CLSTN2: variants seen among roughly 807,000 people sequenced by gnomAD.
CLSTN2 encodes the protein calsyntenin 2, also known as calsyntenin-2.
Under a neutral mutation model 101.2 loss-of-function variants are expected in CLSTN2, and 48 were observed. That is an observed-to-expected ratio of 0.47 (90% confidence interval 0.38 to 0.60). CLSTN2 has a LOEUF of 0.60. Ranked by LOEUF, CLSTN2 falls within the 20% of genes least tolerant of loss-of-function variation. CLSTN2 has a pLI of 0.00. For synonymous variants in CLSTN2, 481 were observed against 463.6 expected, an observed-to-expected ratio of 1.04 and a Z score of -0.48; for missense variants, 1,160 against 1,238.2, an observed-to-expected ratio of 0.94 and a Z score of 0.95.
rs377486805 is a variant in CLSTN2, at chr3:140,225,184, G to T, written c.232+49111G>T. ...CAGACTCTCCACCCTTCCCCCACCTGCTGCTTTATGGGAAGGGCCCTGCTA... is the reference window on the plus strand; with the variant it reads ...CAGACTCTCCACCCTTCCCCCACCTTCTGCTTTATGGGAAGGGCCCTGCTA... On this transcript the variant is annotated intron_variant, in intron 2 of 16. Transcript: ENST00000458420. Among the ~76,000 whole-genome samples, 8 of 152,156 alleles carry T rather than the reference G, an allele frequency of 5.3e-5. No individual in the cohort carries two copies. In the East Asian group the frequency reaches 5.8e-4, roughly 11 times the overall value.
Position 140,556,537 on chromosome 3 carries a change from A to G in CLSTN2, c.1699A>G (p.Ile567Val), listed in dbSNP as rs199944362. Reference sequence around the variant, plus strand: ...GTATCACTTCAACCCCTCGCAGTCCATCCTGGTGATGGAAGGTGACGACAT... The same window carrying G: ...GTATCACTTCAACCCCTCGCAGTCCGTCCTGGTGATGGAAGGTGACGACAT... ...IKYHFNPSQS[I>V]LVMEGDDIGN... The change falls in exon 11 of 17, where the codon ATC becomes GTC. Residue 567 changes from isoleucine (I) to valine (V), a missense_variant. Transcript: ENST00000458420. The G allele has an allele frequency of 5.5e-5, 88 of 1,614,056 alleles. No individual in the cohort carries two copies. Among genetic ancestry groups the G allele is most frequent in the Non-Finnish European group, 6.9e-5 (81 of 1,179,956 alleles).
intron 2 of CLSTN2, among the ~76,000 whole-genome samples, chr3:140,321,806 A>G (rs1041734083): frequency 6.6e-6 from 1 of 152,044 alleles, no homozygotes; most frequent in Non-Finnish European, 1.5e-5. Flanking sequence ...CTTTTCCCCC[A>G]TTTCTGCTAT....
intron 1 of CLSTN2, among the ~76,000 whole-genome samples, chr3:140,023,723 C>T (rs1272730006): frequency 2.0e-5 from 3 of 152,174 alleles, no homozygotes; most frequent in Non-Finnish European, 2.9e-5. Flanking sequence ...AGGGGAGCTC[C>T]GAGCAGACTC....
chr3:140,340,916 G>A (rs1458718926), intron 2 of CLSTN2, among the ~76,000 whole-genome samples: 2 of 152,144 alleles, frequency 1.3e-5, no homozygotes, highest in East Asian at 1.9e-4. Flanking sequence ...ACTGGGACTT[G>A]CCTCATGACT....
intron 2 of CLSTN2, among the ~76,000 whole-genome samples, chr3:140,382,084 C>T (rs2087992045): frequency 6.6e-6 from 1 of 152,116 alleles, no homozygotes; most frequent in Non-Finnish European, 1.5e-5. Flanking sequence ...TAGGTACCCT[C>T]CACCCTCCCA....
At chr3:140,045,418 C>A (rs1285691348) in intron 1 of CLSTN2, among the ~76,000 whole-genome samples, 1 of 151,900 alleles carries the variant, frequency 6.6e-6, no homozygotes, top group African/African-American at 2.4e-5. Context: ...TCTCTCTTTT[C>A]TTTTTTATTA....
At chr3:140,478,959 T>C (rs1934055604) in intron 8 of CLSTN2, among the ~76,000 whole-genome samples, 1 of 152,050 alleles carries the variant, frequency 6.6e-6, no homozygotes, top group Non-Finnish European at 1.5e-5. Flanking sequence ...AATTCATCAA[T>C]GCCAGAGTTG....
intron 2 of CLSTN2, among the ~76,000 whole-genome samples, chr3:140,183,753 A>G (rs891918339): frequency 2.6e-5 from 4 of 152,160 alleles, no homozygotes; most frequent in Non-Finnish European, 4.4e-5. Flanking sequence ...AAATTAGCTA[A>G]TGTTTATACA....
At chr3:140,390,113 A>T (rs2088097218) in intron 2 of CLSTN2, among the ~76,000 whole-genome samples, 1 of 150,560 alleles carries the variant, frequency 6.6e-6, no homozygotes, top group South Asian at 2.1e-4. Flanking sequence ...TACATAACAT[A>T]TTCAAATTCC....
intron 2 of CLSTN2, among the ~76,000 whole-genome samples, chr3:140,207,679 A>C (rs910536441): frequency 2.6e-5 from 4 of 152,184 alleles, no homozygotes; most frequent in Non-Finnish European, 5.9e-5. Flanking sequence ...TCCTGTGTAC[A>C]TCTTGATGCA....
At chr3:140,238,853 T>C (rs1384958089) in intron 2 of CLSTN2, among the ~76,000 whole-genome samples, 1 of 152,178 alleles carries the variant, frequency 6.6e-6, no homozygotes, top group Non-Finnish European at 1.5e-5. Flanking sequence ...CAAAGAAATA[T>C]GTGATGCATT....
At chr3:140,401,240 G>A (rs1200367244) in intron 2 of CLSTN2, among the ~76,000 whole-genome samples, 2 of 152,204 alleles carry the variant, frequency 1.3e-5, no homozygotes, top group Non-Finnish European at 2.9e-5. Flanking sequence ...ATGAATGTTA[G>A]GTTCTGTTCT....
At chr3:139,982,416 A>G (rs1011701097) in intron 1 of CLSTN2, among the ~76,000 whole-genome samples, 2 of 151,994 alleles carry the variant, frequency 1.3e-5, no homozygotes, top group Non-Finnish European at 2.9e-5. Flanking sequence ...TGGATATAAT[A>G]CCCTTGGTAT....
At chr3:140,353,830 C>T (rs1232749192) in intron 2 of CLSTN2, among the ~76,000 whole-genome samples, 1 of 152,062 alleles carries the variant, frequency 6.6e-6, no homozygotes, top group Non-Finnish European at 1.5e-5. Context: ...GATATGAATG[C>T]TAGGTGGTGT....
chr3:140,310,226 TG>T (rs2087152790), intron 2 of CLSTN2, among the ~76,000 whole-genome samples: 1 of 152,168 alleles, frequency 6.6e-6, no homozygotes. Context: ...TAAACCTGAC[TG>T]TCACTTTAAA....
At chr3:140,240,862 C>T (rs143520092) in intron 2 of CLSTN2, among the ~76,000 whole-genome samples, 2,854 of 152,194 alleles carry the variant, frequency 0.019, 46 homozygotes, top group Non-Finnish European at 0.031. Context: ...AGGGTCCCTG[C>T]CTTTATATCC....
chr3:140,277,662 C>T (rs1235611453), intron 2 of CLSTN2, among the ~76,000 whole-genome samples: 2 of 151,928 alleles, frequency 1.3e-5, no homozygotes, highest in African/African-American at 4.8e-5. Context: ...ATTTGTTTCC[C>T]CTACCAGTGC....
At chr3:140,497,430 G>T (rs538943257) in intron 8 of CLSTN2, among the ~76,000 whole-genome samples, 4 of 152,160 alleles carry the variant, frequency 2.6e-5, no homozygotes, top group African/African-American at 9.7e-5. Context: ...GCTGTGCTAT[G>T]GGGGATTGCT....
chr3:140,070,912 C>G (rs146661576), intron 1 of CLSTN2, among the ~76,000 whole-genome samples: 1 of 152,164 alleles, frequency 6.6e-6, no homozygotes, highest in East Asian at 1.9e-4. Flanking sequence ...TCACAAAAGT[C>G]TAAATTATTT....
Sources: gnomAD v4.1 joint callset for allele counts (sites outside exome capture counted in the v4.1 genomes callset) on GRCh38, gnomAD v4.1.1 for gene constraint, MANE v1.5 for transcripts, NCBI Gene and HGNC (gene_info 2026-07-23, HGNC 2026-07-21) for gene names.